The following MYH10 variants were observed in gnomAD, a reference collection of about 807,000 sequenced individuals.
MYH10 encodes myosin heavy chain 10, also known as myosin-10.
MYH10 carries 55 observed loss-of-function variants against 257.8 expected under a neutral mutation model. The observed-to-expected ratio is 0.21, with a 90% confidence interval of 0.17 to 0.27. MYH10 has a LOEUF of 0.27. Among genes scored for constraint, MYH10 ranks in the 10% least tolerant of loss-of-function variants. The pLI is 1.00. For synonymous variants in MYH10, 854 were observed against 921.7 expected (o/e 0.93, Z 1.33); for missense variants, 1,631 against 2,500.6 (o/e 0.65, Z 7.42).
At chr17:8,530,309 A>G (rs1433130618) in intron 17 of MYH10, among the ~76,000 whole-genome samples, 1 of 152,240 alleles carries the variant, frequency 6.6e-6, no homozygotes, top group Non-Finnish European at 1.5e-5. Context: ...CAATGGCACT[A>G]TTGGAAAAGG....
chr17:8,526,032 C>T (rs2081834137), intron 17 of MYH10, among the ~76,000 whole-genome samples: 1 of 152,206 alleles, frequency 6.6e-6, no homozygotes, highest in African/African-American at 2.4e-5. Context: ...ACCTTATGAT[C>T]TGCCCGCCTT....
rs1337563575 is a variant in MYH10, at chr17:8,506,550, T to C, written c.3215-61A>G. 1 of 1,527,576 alleles carries C rather than the reference T, an allele frequency of 6.5e-7. No individual in the cohort carries two copies. Among genetic ancestry groups the C allele is most frequent in the East Asian group, 2.3e-5 (1 of 43,638 alleles). The allele number at this position is 1,527,576 out of a possible 1,614,324, so 94.6% of individuals were successfully genotyped here. A position where few individuals can be genotyped will look rare whatever the true frequency, so the allele number is the denominator to read the frequency against. On this transcript the variant is annotated intron_variant, in intron 26 of 42. Coordinates refer to ENST00000360416, the MANE Select transcript of MYH10 (RefSeq NM_001256012.3). This position sits in a 1 kb window ranked among gnomAD's most constrained non-coding sequence, Gnocchi z 5.0. The stretch of plus-strand genomic sequence containing the variant: ...CGAGTGACTCACCACAGGAATAAAC[T>C]AAAATACAGACTGATCCAAGTTGAA...
chr17:8,562,945 G>T (rs1467887880), intron 7 of MYH10, among the ~76,000 whole-genome samples: 1 of 152,110 alleles, frequency 6.6e-6, no homozygotes, highest in African/African-American at 2.4e-5. Flanking sequence ...CTTTTCTGGG[G>T]TGATTATAAT....
At chr17:8,630,363 C>G (rs1052095297) in intron 1 of MYH10, among the ~76,000 whole-genome samples, 1 of 151,866 alleles carries the variant, frequency 6.6e-6, no homozygotes, top group Non-Finnish European at 1.5e-5. Context: ...CCCTGACCCC[C>G]GCGGGTTTCA....
At chr17:8,544,807 A>G (rs1219670969) in intron 13 of MYH10, among the ~76,000 whole-genome samples, 1 of 152,198 alleles carries the variant, frequency 6.6e-6, no homozygotes, top group Non-Finnish European at 1.5e-5. Flanking sequence ...TGCATTGATG[A>G]TGAGTAAGTA....
At chr17:8,573,972 G>A (rs1314162056) in intron 6 of MYH10, 1 of 230,140 alleles carries the variant, frequency 4.3e-6, no homozygotes, top group Non-Finnish European at 7.2e-6. Context: ...AAATGGTGCA[G>A]TCTCTTTAAA....
intron 25 of MYH10, among the ~76,000 whole-genome samples, chr17:8,508,916 A>G (rs767147006): frequency 2.0e-5 from 3 of 152,220 alleles, no homozygotes; most frequent in Non-Finnish European, 2.9e-5. Context: ...GAGAGCTGTC[A>G]TAACACCACA....
At chr17:8,578,821 T>A (rs875674) in intron 4 of MYH10, among the ~76,000 whole-genome samples, 37,375 of 152,078 alleles carry the variant, frequency 0.25, 5,511 homozygotes, top group Admixed American at 0.36. Flanking sequence ...TCAATTTGGA[T>A]TATAAGAAAA....
intron 7 of MYH10, chr17:8,561,495 T>C: frequency 1.4e-6 from 2 of 1,439,454 alleles, no homozygotes; most frequent in Admixed American, 3.3e-5. Context: ...ATCGATCTCG[T>C]GAAGCCCGCA....
At chr17:8,537,973 G>T (rs1370401581) in intron 14 of MYH10, among the ~76,000 whole-genome samples, 1 of 152,216 alleles carries the variant, frequency 6.6e-6, no homozygotes, top group Non-Finnish European at 1.5e-5. Flanking sequence ...CCACAGTCTG[G>T]CAAGGCAGGG....
intron 2 of MYH10, among the ~76,000 whole-genome samples, chr17:8,611,364 T>TAC (rs753496559): frequency 5.3e-5 from 8 of 152,232 alleles, no homozygotes; most frequent in Non-Finnish European, 1.2e-4. Context: ...CAATTCCTTG[T>TAC]ACACAATAAC....
At chr17:8,524,036 T>C (rs986046784) in intron 17 of MYH10, among the ~76,000 whole-genome samples, 1 of 151,974 alleles carries the variant, frequency 6.6e-6, no homozygotes, top group African/African-American at 2.4e-5. Flanking sequence ...GAAGAGAGGT[T>C]GGAACTAGAA....
chr17:8,620,528 T>C (rs1416162535), intron 2 of MYH10, among the ~76,000 whole-genome samples: 1 of 152,152 alleles, frequency 6.6e-6, no homozygotes, highest in Non-Finnish European at 1.5e-5. Flanking sequence ...ATAAAATAAC[T>C]AAACCTGTTA....
At chr17:8,494,424 T>C (rs1016348876) in intron 31 of MYH10, among the ~76,000 whole-genome samples, 2 of 152,226 alleles carry the variant, frequency 1.3e-5, no homozygotes, top group Non-Finnish European at 2.9e-5. Context: ...TTCTGGGCCA[T>C]GGCTTCGGCC....
intron 2 of MYH10, among the ~76,000 whole-genome samples, chr17:8,609,879 G>A (rs1422459573): frequency 6.6e-6 from 1 of 151,350 alleles, no homozygotes; most frequent in African/African-American, 2.4e-5. Flanking sequence ...GCTTCTTTGA[G>A]AGAAAATAGC....
chr17:8,499,385 G>A lies in MYH10; in HGVS notation c.3836C>T (p.Ala1279Val), dbSNP rs1917168220. The A allele has an allele frequency of 3.1e-6, 5 of 1,614,150 alleles. No homozygotes were observed. Among genetic ancestry groups the A allele is most frequent in the Non-Finnish European group, 4.2e-6 (5 of 1,180,022 alleles). Residue 1279 changes from alanine to valine, a missense_variant, in exon 30 of 43, where the codon GCT (alanine) becomes GTT (valine). Physicochemically the swap from Ala to Val is moderately conservative, Grantham distance 64. Transcript: ENST00000360416. ...CTTCTTCCTCTTGTGCTCAGACTCA[G>A]CCTTGACCTGCTGCAGGACCTTCAC... ...CEVKVLQQVK[A>V]ESEHKRKKLD...
At chr17:8,576,205 C>G (rs893843504) in intron 6 of MYH10, among the ~76,000 whole-genome samples, 11 of 152,256 alleles carry the variant, frequency 7.2e-5, no homozygotes, top group Non-Finnish European at 1.5e-5. Context: ...CAGGCATAAA[C>G]TATGCCATGC....
In MYH10 at chr17:8,495,317, GA is replaced by G. The variant is rs1425731967; in HGVS notation, c.3952-77del. The G allele has an allele frequency of 5.5e-6, 5 of 910,400 alleles. No homozygotes were observed. In the Admixed American group the frequency reaches 7.4e-5, roughly 14 times the overall value. The allele number at this position is 910,400 out of a possible 1,614,324, so 56.4% of individuals were successfully genotyped here. On this transcript the variant is annotated intron_variant, in intron 30 of 42. Coordinates refer to ENST00000360416, the MANE Select transcript of MYH10 (RefSeq NM_001256012.3). ...GGTCTAGAAACACAGCTTTTAAACA[GA>G]ACACAGAGAAGAACTCGGCGGGAGT...
chr17:8,494,966 C>T (rs1425567882), intron 31 of MYH10, among the ~76,000 whole-genome samples, 171 bp downstream of exon 31: 4 of 152,220 alleles, frequency 2.6e-5, no homozygotes, highest in Non-Finnish European at 5.9e-5. Context: ...CATCAAGACA[C>T]TGAGCTTCCA....
Sources: gnomAD v4.1 joint callset for allele counts (sites outside exome capture counted in the v4.1 genomes callset) on GRCh38, gnomAD v4.1.1 for gene constraint, Gnocchi (gnomAD v3.1) non-coding constraint, MANE v1.5 for transcripts, NCBI Gene and HGNC (gene_info 2026-07-23, HGNC 2026-07-21) for gene names.